ANKFN1: variants seen among roughly 807,000 people sequenced by gnomAD.
The protein encoded by ANKFN1 is ankyrin repeat and fibronectin type-III domain-containing protein 1.
In ANKFN1, 74 loss-of-function variants were observed where a neutral mutation model predicts 108.7. The observed-to-expected ratio is 0.68, with a 90% CI of 0.56 to 0.83. The LOEUF is 0.83. ANKFN1 is among the 40% of genes least tolerant of loss of function. ANKFN1 has a pLI of 0.00. For missense variants in ANKFN1, 1,505 were observed against 1,382.3 expected (o/e 1.09, Z -1.41); for synonymous variants, 547 against 516.2 (o/e 1.06, Z -0.81).
At chr17:56,064,979 T>C (rs570880323) in intron 4 of ANKFN1, among the ~76,000 whole-genome samples, 28 of 152,274 alleles carry the variant, frequency 1.8e-4, no homozygotes, top group Admixed American at 3.3e-4. Context: ...CCCCTGCCCG[T>C]GGGACTCTCA....
intron 4 of ANKFN1, among the ~76,000 whole-genome samples, chr17:56,073,031 C>T (rs1159754779): frequency 4.0e-5 from 6 of 151,076 alleles, no homozygotes; most frequent in African/African-American, 1.5e-4. Context: ...CTCGCTCTGT[C>T]GCCCAGGCTG....
intron 8 of ANKFN1, among the ~76,000 whole-genome samples, chr17:56,436,837 CAAAA>C (rs965424286): frequency 2.5e-5 from 2 of 79,164 alleles, no homozygotes; most frequent in Admixed American, 1.5e-4. Flanking sequence ...AACTCCATCT[CAAAA>C]AAAAAAAAAA....
intron 3 of ANKFN1, among the ~76,000 whole-genome samples, chr17:56,287,764 C>A (rs1425137376): frequency 6.6e-6 from 1 of 152,196 alleles, no homozygotes; most frequent in Non-Finnish European, 1.5e-5. Flanking sequence ...AACCAATTCT[C>A]AAACTCCTCT....
At chr17:56,116,984 A>G (rs976026257) in intron 4 of ANKFN1, among the ~76,000 whole-genome samples, 2 of 152,068 alleles carry the variant, frequency 1.3e-5, no homozygotes, top group African/African-American at 2.4e-5. Context: ...AATTATCTGT[A>G]TGTATGTTCT....
At chr17:56,088,378 A>G (rs571412772) in intron 4 of ANKFN1, among the ~76,000 whole-genome samples, 2 of 151,362 alleles carry the variant, frequency 1.3e-5, no homozygotes, top group South Asian at 2.1e-4. Flanking sequence ...TGGTTAGACA[A>G]ACTTACCAAT....
chr17:56,286,835 G>A (rs755942481), intron 3 of ANKFN1, among the ~76,000 whole-genome samples: 6 of 151,912 alleles, frequency 3.9e-5, no homozygotes, highest in Non-Finnish European at 8.8e-5. Flanking sequence ...ATATGCACAT[G>A]GAAACATACA....
At chr17:56,193,346 T>C (rs2143706910) in intron 1 of ANKFN1, among the ~76,000 whole-genome samples, 1 of 149,002 alleles carries the variant, frequency 6.7e-6, no homozygotes, top group East Asian at 2.0e-4. Flanking sequence ...GGCACATGTA[T>C]ACATATGTAA....
At chr17:56,137,574 G>A (rs1226906272) in intron 4 of ANKFN1, among the ~76,000 whole-genome samples, 1 of 152,110 alleles carries the variant, frequency 6.6e-6, no homozygotes, top group East Asian at 1.9e-4. Context: ...CCTATCAAGG[G>A]TAGGAACAGC....
chr17:56,453,171 T>C (rs1483617712), intron 11 of ANKFN1, among the ~76,000 whole-genome samples: 1 of 152,158 alleles, frequency 6.6e-6, no homozygotes, highest in Non-Finnish European at 1.5e-5. Context: ...ATTTTAGTCA[T>C]TACCTCACTA....
chr17:56,462,165 AC>A (rs1389093163), intron 14 of ANKFN1: 2 of 152,198 alleles, frequency 1.3e-5, no homozygotes, highest in African/African-American at 4.8e-5. Context: ...TACTGAAGGC[AC>A]CTTTTGTTGG....
chr17:56,311,458 T>C (rs982039349), intron 3 of ANKFN1, among the ~76,000 whole-genome samples: 1 of 152,224 alleles, frequency 6.6e-6, no homozygotes, highest in African/African-American at 2.4e-5. Flanking sequence ...TCAGTGCCAA[T>C]GTGATGCTAC....
chr17:56,060,881 C>T (rs113409702), intron 4 of ANKFN1, among the ~76,000 whole-genome samples: 13 of 152,296 alleles, frequency 8.5e-5, no homozygotes, highest in African/African-American at 3.1e-4. Flanking sequence ...GGATATTGGC[C>T]TGAAGTTTTC....
At chr17:56,458,449 G>T (rs1187444869) in intron 14 of ANKFN1, among the ~76,000 whole-genome samples, 1 of 151,910 alleles carries the variant, frequency 6.6e-6, no homozygotes, top group African/African-American at 2.4e-5. Context: ...GATGATTTTG[G>T]TAAAGCATAG....
Position 56,084,013 on chromosome 17 carries a change from C to T in ANKFN1, c.288+37688C>T. ...GTGGGAACAGTGGTGACCTAGAGAG[C>T]CTGTACTCAGAGGGAAGGATCATCA... On this transcript the variant is annotated intron_variant, in intron 4 of 12. Coordinates refer to the ANKFN1 transcript ENST00000635860. Among the ~76,000 whole-genome samples, 2 of 151,130 alleles carry T rather than the reference C, an allele frequency of 1.3e-5. 1 individual carries two copies. Among genetic ancestry groups the T allele is most frequent in the Admixed American group, 1.3e-4 (2 of 15,140 alleles).
intron 1 of ANKFN1, among the ~76,000 whole-genome samples, chr17:56,160,007 T>C (rs1909497324): frequency 6.6e-6 from 1 of 152,184 alleles, no homozygotes; most frequent in African/African-American, 2.4e-5. Flanking sequence ...GGTGTTAATC[T>C]CCTGCTGTGT....
At chr17:56,326,493 G>T (rs2045520367) in intron 4 of ANKFN1, 138 bp downstream of exon 4, 4 of 1,106,614 alleles carry the variant, frequency 3.6e-6, no homozygotes, top group Non-Finnish European at 5.0e-6. Flanking sequence ...GCTGCAGGTG[G>T]TCCATGAAGA....
intron 20 of ANKFN1, among the ~76,000 whole-genome samples, chr17:56,502,284 C>T (rs1184250447): frequency 6.6e-6 from 1 of 152,180 alleles, no homozygotes; most frequent in African/African-American, 2.4e-5. Context: ...GTGGCCTTCT[C>T]TATGCCACAG....
intron 1 of ANKFN1, among the ~76,000 whole-genome samples, chr17:56,167,127 A>C (rs1384769840): frequency 1.3e-5 from 2 of 151,756 alleles, no homozygotes; most frequent in African/African-American, 4.8e-5. Context: ...GTGGAAGTTA[A>C]ATAAATATAC....
chr17:56,391,364 ATATATG>A (rs1177600446), intron 8 of ANKFN1, among the ~76,000 whole-genome samples: 4 of 86,566 alleles, frequency 4.6e-5, no homozygotes, highest in African/African-American at 1.8e-4. Flanking sequence ...GAATACATAT[ATATATG>A]TGTGTGTGTG....
Sources: gnomAD v4.1 joint callset for allele counts (sites outside exome capture counted in the v4.1 genomes callset) on GRCh38, gnomAD v4.1.1 for gene constraint, MANE v1.5 for transcripts, NCBI Gene and HGNC (gene_info 2026-07-23, HGNC 2026-07-21) for gene names.